Variants in PIN4 observed in about 807,000 individuals in gnomAD.
PIN4 encodes the protein peptidyl-prolyl cis-trans isomerase NIMA-interacting 4.
PIN4 carries 3 observed loss-of-function variants against 8.3 expected under a neutral mutation model. That is an observed-to-expected ratio of 0.36 (90% CI 0.16 to 0.93). The LOEUF (loss-of-function observed/expected upper bound fraction) is 0.93. PIN4 is among the 40% of genes least tolerant of loss of function. PIN4 has a pLI of 0.44. For missense variants in PIN4, 75 were observed against 100.6 expected, an observed-to-expected ratio of 0.75 and a Z score of 1.09; for synonymous variants, 18 against 32.5, an observed-to-expected ratio of 0.55 and a Z score of 1.52.
At chrX:72,227,647 T>C (rs768021285) in intron 3 of PIN4, among the ~76,000 whole-genome samples, 1 of 111,322 alleles carries the variant, frequency 9.0e-6, no homozygotes, top group African/African-American at 3.3e-5. Flanking sequence ...CCACAACCCA[T>C]CACTGACTCC....
chrX:72,190,610 A>G (rs1464332010), intron 2 of PIN4, among the ~76,000 whole-genome samples: 2 of 111,549 alleles, frequency 1.8e-5, no homozygotes, highest in African/African-American at 6.5e-5. Context: ...TTGCTTATAG[A>G]TGAACTTATT....
chrX:72,246,533 C>A lies in PIN4; in HGVS notation c.313-16174C>A, dbSNP rs1301661443. ...TCGTTTCCCTCAAGATCAAGTCCTG[C>A]CTCCTTACCATGGCTTACAAGGCCT... is the stretch of plus-strand genomic sequence containing the variant. On this transcript the variant is annotated intron_variant, in intron 3 of 3. Coordinates refer to the PIN4 transcript ENST00000423432. 2.7e-5 allele frequency among the ~76,000 whole-genome samples: 3 copies of A among 111,829 alleles called. No homozygotes were observed. The East Asian group carries it at 8.4e-4, about 31-fold the overall frequency.
At chrX:72,240,116 A>G (rs2043042870) in intron 3 of PIN4, among the ~76,000 whole-genome samples, 1 of 110,771 alleles carries the variant, frequency 9.0e-6, no homozygotes, top group African/African-American at 3.3e-5. Flanking sequence ...TAAAGTTCTT[A>G]TTTAAGAAAT....
chrX:72,220,812 G>A (rs923449950), intron 3 of PIN4, among the ~76,000 whole-genome samples: 2 of 111,860 alleles, frequency 1.8e-5, no homozygotes, highest in Non-Finnish European at 3.8e-5. Flanking sequence ...CCCCTCTCAG[G>A]TTTTATCTAA....
rs145424958 is a variant in PIN4, at chrX:72,235,021, T to C, written c.313-27686T>C. 1.2e-3 allele frequency among the ~76,000 whole-genome samples: 136 copies of C among 112,372 alleles called. 2 individuals carry two copies. The East Asian group carries it at 0.028, about 23-fold the overall frequency. On this transcript the variant is annotated intron_variant, in intron 3 of 3. Transcript: ENST00000423432. The stretch of plus-strand genomic sequence containing the variant: ...AGTCACATGATTGTTTCTTCAACCA[T>C]GTTCATCTGAGAGGGCCAGAGTTGG...
intron 3 of PIN4, among the ~76,000 whole-genome samples, chrX:72,221,979 C>T (rs1432845047): frequency 9.1e-6 from 1 of 109,670 alleles, no homozygotes; most frequent in Non-Finnish European, 1.9e-5. Context: ...CCTTCGTATT[C>T]CCATCCCCCT....
chrX:72,232,662 TAG>T (rs1006484891), intron 3 of PIN4, among the ~76,000 whole-genome samples: 3 of 110,480 alleles, frequency 2.7e-5, no homozygotes, highest in African/African-American at 9.9e-5. Flanking sequence ...CACAAAAAAT[TAG>T]CCGGGTGTGG....
chrX:72,206,462 T>A (rs748332306), intron 3 of PIN4: 1 of 1,211,207 alleles, frequency 8.3e-7, no homozygotes, highest in South Asian at 1.8e-5. Flanking sequence ...ATTTTGGAAC[T>A]GATATCTTCT....
intron 2 of PIN4, among the ~76,000 whole-genome samples, chrX:72,190,963 A>G (rs982074950): frequency 6.6e-4 from 71 of 107,621 alleles, no homozygotes; most frequent in Non-Finnish European, 9.6e-4. Flanking sequence ...AAAAAAAAAA[A>G]AAAAAGCTCC....
At chrX:72,217,780 T>G (rs188343578) in intron 3 of PIN4, among the ~76,000 whole-genome samples, 2 of 111,166 alleles carry the variant, frequency 1.8e-5, no homozygotes, top group East Asian at 5.7e-4. Flanking sequence ...TCCCTACACA[T>G]AAGCAAGTGC....
At chrX:72,262,825 C>A in exon 4 of PIN4, 1 of 822,482 alleles carries the variant, frequency 1.2e-6, no homozygotes, top group Non-Finnish European at 1.7e-6. Flanking sequence ...TGGCTGATCT[C>A]ATCTATTCAA....
chrX:72,260,181 C>A (rs776090968), intron 3 of PIN4, among the ~76,000 whole-genome samples: 1 of 112,307 alleles, frequency 8.9e-6, no homozygotes, highest in South Asian at 3.7e-4. Context: ...TAGCTCTCCC[C>A]ACAGCTGGAG....
chrX:72,261,151 C>T (rs1010126339), intron 3 of PIN4, among the ~76,000 whole-genome samples: 1 of 110,342 alleles, frequency 9.1e-6, no homozygotes. Context: ...AAAAATTAGC[C>T]GGGCATGGTG....
intron 3 of PIN4, among the ~76,000 whole-genome samples, chrX:72,242,114 C>G (rs1024263777): frequency 1.8e-5 from 2 of 111,573 alleles, no homozygotes; most frequent in Non-Finnish European, 3.8e-5. Context: ...GCAAAGCAGG[C>G]CCCTGGTGGT....
chrX:72,196,533 C>CA (rs11284819), intron 2 of PIN4, among the ~76,000 whole-genome samples: 1,900 of 89,803 alleles, frequency 0.021, 24 homozygotes, highest in Middle Eastern at 0.034. Context: ...GACTCCTTCT[C>CA]AAAAAAAAAA....
intron 3 of PIN4, among the ~76,000 whole-genome samples, chrX:72,221,043 C>T (rs1390435411): frequency 1.8e-5 from 2 of 111,678 alleles, no homozygotes; most frequent in Non-Finnish European, 3.8e-5. Context: ...GAGCGATTTG[C>T]ATGAGGACAA....
Position 72,234,379 on chromosome X carries a change from A to G in PIN4, c.313-28328A>G, listed in dbSNP as rs776116546. On this transcript the variant is annotated intron_variant, in intron 3 of 3. Coordinates refer to the PIN4 transcript ENST00000423432. Reference sequence around the variant, plus strand: ...AGATTGAGAATTGACTGTTGGATTTAGTTATATGAATGTCATTGGTGACTT... The same window carrying G: ...AGATTGAGAATTGACTGTTGGATTTGGTTATATGAATGTCATTGGTGACTT... 2.5e-4 allele frequency among the ~76,000 whole-genome samples: 28 copies of G among 112,188 alleles called. No homozygotes were observed. In the South Asian group the frequency reaches 3.7e-3, roughly 15 times the overall value.
chrX:72,236,955 T>C (rs1486313741), intron 3 of PIN4, among the ~76,000 whole-genome samples: 2 of 112,273 alleles, frequency 1.8e-5, no homozygotes, highest in African/African-American at 6.5e-5. Flanking sequence ...TAAAACTATG[T>C]ATCTTAACTT....
At chrX:72,236,806 C>T (rs966541871) in intron 3 of PIN4, among the ~76,000 whole-genome samples, 7 of 111,987 alleles carry the variant, frequency 6.3e-5, no homozygotes, top group African/African-American at 2.3e-4. Flanking sequence ...TTTGCTACGT[C>T]ATTTCACTTA....
Sources: allele counts gnomAD v4.1 joint callset (sites outside exome capture counted in the v4.1 genomes callset), GRCh38; gene constraint gnomAD v4.1.1; transcripts MANE v1.5; gene names NCBI Gene and HGNC (gene_info 2026-07-23, HGNC 2026-07-21).